The following ITGB4 variants were observed in gnomAD, a reference collection of about 807,000 sequenced individuals.
ITGB4 encodes the protein integrin beta-4.
ITGB4 carries 159 observed loss-of-function variants against 207.6 expected under a neutral mutation model. The observed-to-expected ratio is 0.77, with a 90% CI of 0.67 to 0.87. The LOEUF is 0.87. Ranked by LOEUF, ITGB4 falls within the 40% of genes least tolerant of loss-of-function variation. The pLI is 0.00. For synonymous variants in ITGB4, 1,020 were observed against 1,062.7 expected, an observed-to-expected ratio of 0.96 and a Z score of 0.78; for missense variants, 2,278 against 2,546.8, an observed-to-expected ratio of 0.89 and a Z score of 2.27.
chr17:75,737,826 A>C (rs2061016363), intron 18 of ITGB4, among the ~76,000 whole-genome samples, 182 bp downstream of exon 18: 1 of 130,378 alleles, frequency 7.7e-6, no homozygotes. Context: ...ATCCTCCACC[A>C]CGGTCCCCAC....
At position 75,727,296 on chromosome 17, in the gene ITGB4, T is replaced by C. The variant is rs761834593; in HGVS notation, c.162+19T>C. ...AGACGAGGTGAGGACCTGGCCCGGG[T>C]TGGTGTGGAACAGGCAAGGGTCGGG... On this transcript the variant is annotated intron_variant, in intron 3 of 39. Transcript: ENST00000200181. The surrounding 1 kb of genome is among the most constrained non-coding windows in gnomAD (Gnocchi z 6.0). 2 of 1,613,242 alleles carry C rather than the reference T, an allele frequency of 1.2e-6. No homozygotes were observed. The highest frequency in any genetic ancestry group is 1.7e-6 in the Non-Finnish European group (2 of 1,179,664).
rs2060733406 is a variant in ITGB4 at position 75,727,065 on chromosome 17, T to C, written c.80-130T>C. 2.5e-6 allele frequency: 2 copies of C among 790,224 alleles called. No individual in the cohort carries two copies. Among genetic ancestry groups the C allele is most frequent in the Non-Finnish European group, 2.1e-6 (1 of 468,402 alleles). 49.0% of individuals were successfully genotyped at this position (790,224 alleles called of 1,614,324 possible). On this transcript the variant is annotated intron_variant, in intron 2 of 39. Transcript: ENST00000200181. This position sits in a 1 kb window ranked among gnomAD's most constrained non-coding sequence, Gnocchi z 6.0. ...TCCAGCCTGGGCAACAGAGCGAGAC[T>C]CTGTCTCAAAATAAATAAATAAATA...
Position 75,750,093 on chromosome 17 carries a change from C to T in ITGB4, c.3317-18C>T, listed in dbSNP as rs764344216. Reference sequence around the variant, plus strand: ...AGGGGGATCTGAGTGGTTGCCCGGCCCCAACCTGACCCGTTAGATGAACTG... The same window carrying T: ...AGGGGGATCTGAGTGGTTGCCCGGCTCCAACCTGACCCGTTAGATGAACTG... On this transcript the variant is annotated intron_variant, in intron 27 of 39. Transcript: ENST00000200181. The surrounding 1 kb of genome is among the most constrained non-coding windows in gnomAD (Gnocchi z 5.5). 1 of 1,613,390 alleles carries T rather than the reference C, an allele frequency of 6.2e-7. No individual in the cohort carries two copies. Among genetic ancestry groups the T allele is most frequent in the Non-Finnish European group, 8.5e-7 (1 of 1,180,008 alleles).
chr17:75,727,053 A>G lies in ITGB4; in HGVS notation c.80-142A>G. 1 of 726,140 alleles carries G rather than the reference A, an allele frequency of 1.4e-6. No individual in the cohort carries two copies. Among genetic ancestry groups the G allele is most frequent in the Non-Finnish European group, 2.4e-6 (1 of 421,728 alleles). 45.0% of individuals were successfully genotyped at this position (726,140 alleles called of 1,614,324 possible). On this transcript the variant is annotated intron_variant, in intron 2 of 39. Transcript: ENST00000200181. This position sits in a 1 kb window ranked among gnomAD's most constrained non-coding sequence, Gnocchi z 6.0. ...ACGCCACTGCACTCCAGCCTGGGCA[A>G]CAGAGCGAGACTCTGTCTCAAAATA...
At chr17:75,728,228 C>G (rs1417296426) in intron 5 of ITGB4, 149 bp from the exon 6 acceptor site, 1 of 698,440 alleles carries the variant, frequency 1.4e-6, no homozygotes, top group Non-Finnish European at 2.6e-6. Context: ...TAAATAGGAA[C>G]AGACAATGTT....
At position 75,755,840 on chromosome 17, in the gene ITGB4, G is replaced by C. The variant is rs779116795; in HGVS notation, c.4698G>C (p.Leu1566=). 3 of 1,604,634 alleles carry C rather than the reference G, an allele frequency of 1.9e-6. No homozygotes were observed. In the South Asian group the frequency reaches 3.3e-5, roughly 18 times the overall value. Residue 1566 remains leucine (L), a synonymous_variant, in exon 35 of 40, where the codon CTG becomes CTC. Transcript: ENST00000200181. ...PLQGYSVEYQ[L]LNGGELHRLN... ...AGGGCTACAGTGTGGAGTACCAGCT[G>C]CTGAACGGCGGTGAGGCATGGTGGC...
At chr17:75,725,516 G>A (rs1337837174) in intron 2 of ITGB4, among the ~76,000 whole-genome samples, 7 of 152,086 alleles carry the variant, frequency 4.6e-5, no homozygotes, top group Admixed American at 3.9e-4. Context: ...GTCTCACTAT[G>A]TTACCCAGGC....
rs1268857858 is a variant in ITGB4, at chr17:75,731,845, C to A, written c.1249C>A (p.His417Asn). The change falls in exon 11 of 40, where the codon CAC (histidine) becomes AAC (asparagine). Residue 417 changes from histidine to asparagine, a missense_variant. By Grantham distance (68) the His-to-Asn change is moderately conservative. Coordinates refer to ENST00000200181, the MANE Select transcript of ITGB4 (RefSeq NM_000213.5). This position sits in a 1 kb window ranked among gnomAD's most constrained non-coding sequence, Gnocchi z 6.8. ...CCAGGTGCAGCTGCGGGCCCTTGAG[C>A]ACGTGGATGGGACGCACGTGTGCCA... ...IYQVQLRALE[H>N]VDGTHVCQLP... is the part of the protein sequence containing the mutation. 7.4e-6 allele frequency: 12 copies of A among 1,610,924 alleles called. No individual in the cohort carries two copies. In the Admixed American group the frequency reaches 2.0e-4, roughly 27 times the overall value.
chr17:75,725,169 C>T (rs1599209402), intron 2 of ITGB4, among the ~76,000 whole-genome samples: 1 of 152,206 alleles, frequency 6.6e-6, no homozygotes, highest in African/African-American at 2.4e-5. Context: ...TCACTGGAGC[C>T]AGCTCCTACC....
chr17:75,745,268 T>C (rs2061208363), intron 26 of ITGB4, among the ~76,000 whole-genome samples: 1 of 151,552 alleles, frequency 6.6e-6, no homozygotes, highest in South Asian at 2.1e-4. Context: ...TAGTGCATAC[T>C]TGTGGACCCA....
rs552634888 is a variant in ITGB4 at position 75,743,610 on chromosome 17, G to T, written c.2963-103G>T. On this transcript the variant is annotated intron_variant, in intron 25 of 39. Transcript: ENST00000200181. ...GGGCAATGCATAGAGGGAACCAAGC[G>T]GACTCCTGGATTCTGGGCTGGGCTG... The T allele has an allele frequency of 1.1e-4, 169 of 1,506,590 alleles. 2 individuals carry two copies. The East Asian group carries it at 3.8e-3, about 34-fold the overall frequency. The allele number at this position is 1,506,590 out of a possible 1,614,324, so 93.3% of individuals were successfully genotyped here.
At chr17:75,749,913 T>G (rs1330299966) in intron 27 of ITGB4, among the ~76,000 whole-genome samples, 198 bp from the exon 28 acceptor site, 1 of 152,144 alleles carries the variant, frequency 6.6e-6, no homozygotes, top group African/African-American at 2.4e-5. Flanking sequence ...CCAGAGACCC[T>G]CCTGGGTCCT....
At chr17:75,736,008 C>G (rs1356353890) in intron 13 of ITGB4, 43 bp from the exon 14 acceptor site, 16 of 1,583,796 alleles carry the variant, frequency 1.0e-5, no homozygotes, top group Non-Finnish European at 1.4e-5. Context: ...GGACTACAGG[C>G]ACAGATGTAG....
At chr17:75,747,180 A>G (rs1164800054) in intron 26 of ITGB4, among the ~76,000 whole-genome samples, 1 of 151,956 alleles carries the variant, frequency 6.6e-6, no homozygotes, top group Non-Finnish European at 1.5e-5. Flanking sequence ...CTAGTACCTA[A>G]AATTAGTCCA....
At position 75,757,094 on chromosome 17, in the gene ITGB4, G is replaced by A; in HGVS notation, c.5205G>A (p.Glu1735=). ...GPEREGIITI[E]SQDGGPFPQL... is the part of the protein sequence containing the mutation. ...AGCGCGAGGGCATCATCACCATAGA[G>A]TCCCAGGATGGAGGTAGGCACCTGT... Residue 1735 remains glutamate (E), a synonymous_variant, in exon 38 of 40, where the codon GAG becomes GAA. Coordinates refer to ENST00000200181, the MANE Select transcript of ITGB4 (RefSeq NM_000213.5). 3 of 1,612,932 alleles carry A rather than the reference G, an allele frequency of 1.9e-6. No homozygotes were observed. Among genetic ancestry groups the A allele is most frequent in the Admixed American group, 3.3e-5 (2 of 60,008 alleles).
At position 75,729,650 on chromosome 17, in the gene ITGB4, C is replaced by G. The variant is rs1223072650; in HGVS notation, c.738+214C>G. Among the ~76,000 whole-genome samples the G allele has an allele frequency of 6.6e-6, 1 of 152,222 alleles. No homozygotes were observed. The highest frequency in any genetic ancestry group is 2.1e-4 in the South Asian group (1 of 4,834). ...CAGATGTGCCTGGAGCCACGGTCCC[C>G]TGGCCTGAGCAGTCACAGCCTGGTT... On this transcript the variant is annotated intron_variant, in intron 7 of 39. Transcript: ENST00000200181. This position sits in a 1 kb window ranked among gnomAD's most constrained non-coding sequence, Gnocchi z 4.4.
At chr17:75,754,955 TGCACAC>T (rs2061457252) in intron 34 of ITGB4, 140 bp downstream of exon 34, 23 of 1,279,898 alleles carry the variant, frequency 1.8e-5, no homozygotes, top group Non-Finnish European at 8.7e-6. Context: ...CGCACACACG[TGCACAC>T]GCATGCACAC....
In ITGB4 at chr17:75,724,721, C is replaced by T. The variant is rs768734852; in HGVS notation, c.18C>T (p.Pro6=). The change falls in exon 2 of 40, where the codon CCC becomes CCT. Residue 6 remains proline (P), a synonymous_variant. Coordinates refer to ENST00000200181, the MANE Select transcript of ITGB4 (RefSeq NM_000213.5). Reference sequence around the variant, plus strand: ...GGAAGAGGATGGCAGGGCCACGCCCCAGCCCATGGGCCAGGCTGCTCCTGG... The same window carrying T: ...GGAAGAGGATGGCAGGGCCACGCCCTAGCCCATGGGCCAGGCTGCTCCTGG... MAGPR[P]SPWARLLLAA... is the part of the protein sequence containing the mutation. 3 of 1,613,836 alleles carry T rather than the reference C, an allele frequency of 1.9e-6. No homozygotes were observed. The highest frequency in any genetic ancestry group is 2.5e-6 in the Non-Finnish European group (3 of 1,179,988).
In ITGB4 at chr17:75,731,119, C is replaced by A; in HGVS notation, c.1093-127C>A. 6.6e-7 allele frequency: 1 copy of A among 1,523,566 alleles called. No individual in the cohort carries two copies. Among genetic ancestry groups the A allele is most frequent in the Non-Finnish European group, 9.0e-7 (1 of 1,111,502 alleles). 94.4% of individuals were successfully genotyped at this position (1,523,566 alleles called of 1,614,324 possible). The stretch of plus-strand genomic sequence containing the variant: ...TAGCTATCCCTGAGGCCCCGAGGGG[C>A]CACCTGGGCCTGGCCCTGGCTCCTG... On this transcript the variant is annotated intron_variant, in intron 9 of 39. Coordinates refer to ENST00000200181, the MANE Select transcript of ITGB4 (RefSeq NM_000213.5). This position sits in a 1 kb window ranked among gnomAD's most constrained non-coding sequence, Gnocchi z 6.8.
Sources: allele counts gnomAD v4.1 joint callset (sites outside exome capture counted in the v4.1 genomes callset), GRCh38; gene constraint gnomAD v4.1.1; non-coding constraint Gnocchi (gnomAD v3.1); transcripts MANE v1.5; gene names NCBI Gene and HGNC (gene_info 2026-07-23, HGNC 2026-07-21).